Variants in TYW1B observed in about 807,000 individuals in gnomAD.
The protein encoded by TYW1B is S-adenosyl-L-methionine-dependent tRNA 4-demethylwyosine synthase TYW1B.
Under a neutral mutation model 86.9 loss-of-function variants are expected in TYW1B, and 73 were observed. That is an observed-to-expected ratio of 0.84 (90% CI 0.70 to 1.02). TYW1B has a LOEUF of 1.02. Ranked by LOEUF, TYW1B falls within the 50% of genes least tolerant of loss-of-function variation. The pLI is 0.00. For synonymous variants in TYW1B, 248 were observed against 292.8 expected (o/e 0.85, Z 1.56); for missense variants, 637 against 827.4 (o/e 0.77, Z 2.82).
At chr7:72,759,565 C>T (rs782104899) in intron 7 of TYW1B, among the ~76,000 whole-genome samples, 6 of 152,168 alleles carry the variant, frequency 3.9e-5, no homozygotes, top group Non-Finnish European at 5.9e-5. Flanking sequence ...AAATTCAGAG[C>T]ACTAAGGATC....
At chr7:72,593,820 T>TAAA (rs59821679) in intron 13 of TYW1B, among the ~76,000 whole-genome samples, 1 of 43,692 alleles carries the variant, frequency 2.3e-5, no homozygotes, top group African/African-American at 9.4e-5. Flanking sequence ...AGACTCCATC[T>TAAA]AAAAAAAAAA....
intron 10 of TYW1B, among the ~76,000 whole-genome samples, chr7:72,710,259 T>C (rs782619543): frequency 6.6e-6 from 1 of 152,164 alleles, no homozygotes; most frequent in African/African-American, 2.4e-5. Flanking sequence ...ACAGACTCCC[T>C]TTCTTTATGC....
At chr7:72,626,544 C>T (rs1267521407) in intron 12 of TYW1B, among the ~76,000 whole-genome samples, 1 of 152,146 alleles carries the variant, frequency 6.6e-6, no homozygotes, top group Non-Finnish European at 1.5e-5. Context: ...GGGAGCTCAA[C>T]ATTTCTCCCC....
intron 13 of TYW1B, among the ~76,000 whole-genome samples, chr7:72,589,106 C>T (rs1257092919): frequency 1.2e-4 from 18 of 152,236 alleles, no homozygotes; most frequent in Admixed American, 7.9e-4. Flanking sequence ...AGCCACTGCA[C>T]CCAGCTAGAC....
At chr7:72,634,356 CTTTTT>C (rs797035075) in intron 11 of TYW1B, among the ~76,000 whole-genome samples, 1 of 110,850 alleles carries the variant, frequency 9.0e-6, no homozygotes, top group African/African-American at 3.5e-5. Context: ...TTTTTTTTTT[CTTTTT>C]TTTTTTCTGT....
chr7:72,632,412 C>CGT (rs1384588616), intron 11 of TYW1B, among the ~76,000 whole-genome samples: 2,852 of 79,644 alleles, frequency 0.036, 170 homozygotes, highest in African/African-American at 0.099. Flanking sequence ...TATATATATA[C>CGT]ATATATATAT....
Position 72,632,376 on chromosome 7 carries a change from T to A in TYW1B, c.1507-3379A>T, listed in dbSNP as rs797039710. 6.3e-3 allele frequency among the ~76,000 whole-genome samples: 609 copies of A among 96,192 alleles called. 41 individuals are homozygous for A. The East Asian group carries it at 0.11, about 18-fold the overall frequency. The allele number at this position is 96,192 out of a possible 152,430, so 63.1% of individuals were successfully genotyped here. ...TATATTATATATATACGCATATATA[T>A]TATATATATACGTATATATATATAA... On this transcript the variant is annotated intron_variant, in intron 11 of 13. Transcript: ENST00000620995.
rs1350638361 is a variant in TYW1B, at chr7:72,719,158, T to A, written c.1193-5360A>T. ...AAAATAAATTCAATTATTATTATTT[T>A]TTTTTTTTTAGACAAGGTCTGCCTC... On this transcript the variant is annotated intron_variant, in intron 9 of 13. Coordinates refer to ENST00000620995, the MANE Select transcript of TYW1B (RefSeq NM_001145440.3). 6.7e-3 allele frequency among the ~76,000 whole-genome samples: 1,017 copies of A among 152,168 alleles called. 13 individuals are homozygous for A. Among genetic ancestry groups the A allele is most frequent in the African/African-American group, 0.021 (877 of 41,520 alleles).
chr7:72,637,098 T>TG (rs1554440864), intron 11 of TYW1B, among the ~76,000 whole-genome samples: 1 of 152,062 alleles, frequency 6.6e-6, no homozygotes, highest in African/African-American at 2.4e-5. Context: ...CACTCCAGCC[T>TG]GGGCAATAAG....
At chr7:72,618,252 T>G (rs1812128337) in intron 12 of TYW1B, among the ~76,000 whole-genome samples, 2 of 147,656 alleles carry the variant, frequency 1.4e-5, no homozygotes, top group Non-Finnish European at 3.0e-5. Flanking sequence ...TTTTTTTTTT[T>G]GTTGCCCAGG....
chr7:72,731,235 G>A (rs1228954745), intron 8 of TYW1B, among the ~76,000 whole-genome samples: 1 of 149,272 alleles, frequency 6.7e-6, no homozygotes, highest in African/African-American at 2.5e-5. Context: ...CATCATACTA[G>A]ACTGGCCTTA....
chr7:72,789,382 C>T (rs1358099797), intron 6 of TYW1B, among the ~76,000 whole-genome samples: 24 of 152,008 alleles, frequency 1.6e-4, no homozygotes, highest in African/African-American at 5.6e-4. Context: ...GTGATCTGCC[C>T]GCCTCGGCCT....
intron 11 of TYW1B, among the ~76,000 whole-genome samples, chr7:72,694,085 C>T (rs1814246030): frequency 6.6e-6 from 1 of 152,122 alleles, no homozygotes; most frequent in African/African-American, 2.4e-5. Context: ...CTCAGCCTCC[C>T]AAACAGCTGG....
intron 8 of TYW1B, among the ~76,000 whole-genome samples, chr7:72,743,610 G>A (rs1554462879): frequency 6.6e-6 from 1 of 152,050 alleles, no homozygotes; most frequent in African/African-American, 2.4e-5. Context: ...TTGGGAGGCC[G>A]AGGTGGGCGG....
chr7:72,750,776 A>C lies in TYW1B; in HGVS notation c.965-6175T>G, dbSNP rs899906793. 6.9e-4 allele frequency among the ~76,000 whole-genome samples: 105 copies of C among 152,118 alleles called. 3 individuals are homozygous for C. The highest frequency in any genetic ancestry group is 6.9e-3 in the Admixed American group (105 of 15,246). On this transcript the variant is annotated intron_variant, in intron 7 of 13. Coordinates refer to ENST00000620995, the MANE Select transcript of TYW1B (RefSeq NM_001145440.3). ...TGGGACCAGTAGTGTTTCAGATTTC[A>C]AATTTTTTCAGATATTCGAATATTT...
chr7:72,754,649 G>A (rs1324233043), intron 7 of TYW1B, among the ~76,000 whole-genome samples: 15 of 151,598 alleles, frequency 9.9e-5, no homozygotes, highest in Admixed American at 9.9e-4. Flanking sequence ...TGTTTGCCAG[G>A]CTGGTCTCCA....
chr7:72,774,062 CAAAA>C (rs35480783), intron 7 of TYW1B, among the ~76,000 whole-genome samples: 3 of 54,824 alleles, frequency 5.5e-5, no homozygotes, highest in Non-Finnish European at 8.6e-5. Flanking sequence ...AACTCCATCT[CAAAA>C]AAAAAAAAAA....
intron 9 of TYW1B, among the ~76,000 whole-genome samples, chr7:72,723,320 C>T (rs1412354513): frequency 6.6e-6 from 1 of 151,940 alleles, no homozygotes; most frequent in African/African-American, 2.4e-5. Flanking sequence ...CAAAAAGAGG[C>T]CAAAGTGGAG....
intron 10 of TYW1B, among the ~76,000 whole-genome samples, chr7:72,703,026 A>ATATATATATTTT (rs1563064838): frequency 2.8e-5 from 1 of 35,206 alleles, no homozygotes; most frequent in South Asian, 1.1e-3. Flanking sequence ...ATATATATAT[A>ATATATATATTTT]TTTTTTTTTT....
Sources: gnomAD v4.1 joint callset for allele counts (sites outside exome capture counted in the v4.1 genomes callset) on GRCh38, gnomAD v4.1.1 for gene constraint, MANE v1.5 for transcripts, NCBI Gene and HGNC (gene_info 2026-07-23, HGNC 2026-07-21) for gene names.